The following KMT2C variants were observed in gnomAD, a reference collection of about 807,000 sequenced individuals.
KMT2C encodes histone-lysine N-methyltransferase 2C.
A neutral mutation model predicts 507.9 loss-of-function variants in KMT2C; 88 were observed. That is an observed-to-expected ratio of 0.17 (90% confidence interval 0.15 to 0.21). The LOEUF is 0.21. Ranked by LOEUF, KMT2C falls within the 10% of genes least tolerant of loss-of-function variation. KMT2C has a pLI of 1.00. For synonymous variants in KMT2C, 2,049 were observed against 2,080.8 expected (o/e 0.98, Z 0.42); for missense variants, 4,954 against 5,957.8 (o/e 0.83, Z 5.55).
chr7:152,376,702 G>A (rs535119840), intron 1 of KMT2C, among the ~76,000 whole-genome samples: 57 of 152,324 alleles, frequency 3.7e-4, no homozygotes, highest in African/African-American at 1.2e-3. Context: ...AAATGCTCTC[G>A]TCATAACATA....
In KMT2C at chr7:152,196,020, AGTAAATATG is replaced by A; in HGVS notation, c.4274-18_4274-10del. ...TGGGTCATCAGCAGGACCTAAATATAGTAAATATGTTTTTTAAAATTTCAGTATTTTCTC... is the reference window on the plus strand; with the variant it reads ...TGGGTCATCAGCAGGACCTAAATATATTTTTTAAAATTTCAGTATTTTCTC... On this transcript the variant is annotated splice_polypyrimidine_tract_variant and intron_variant, in intron 27 of 58. Transcript: ENST00000262189. 1 of 1,506,894 alleles carries A rather than the reference AGTAAATATG, an allele frequency of 6.6e-7. No homozygotes were observed. The highest frequency in any genetic ancestry group is 9.1e-7 in the Non-Finnish European group (1 of 1,099,590). 93.3% of individuals were successfully genotyped at this position (1,506,894 alleles called of 1,614,324 possible).
At chr7:152,169,676 T>C (rs1272437489) in intron 40 of KMT2C, among the ~76,000 whole-genome samples, 1 of 152,144 alleles carries the variant, frequency 6.6e-6, no homozygotes, top group Non-Finnish European at 1.5e-5. Context: ...TAACAAAAAC[T>C]AATGTCTCTA....
At chr7:152,319,326 C>T (rs1005774335) in intron 3 of KMT2C, among the ~76,000 whole-genome samples, 7 of 151,976 alleles carry the variant, frequency 4.6e-5, no homozygotes, top group Admixed American at 2.0e-4. Context: ...TATAATAATC[C>T]TCACTCTACA....
At chr7:152,256,589 T>A (rs2095665854) in intron 9 of KMT2C, among the ~76,000 whole-genome samples, 1 of 151,754 alleles carries the variant, frequency 6.6e-6, no homozygotes, top group Non-Finnish European at 1.5e-5. Context: ...CAAGAACAAA[T>A]AAGCTGGCAG....
chr7:152,228,019 G>A (rs2094987544), intron 18 of KMT2C, among the ~76,000 whole-genome samples: 1 of 152,184 alleles, frequency 6.6e-6, no homozygotes, highest in Non-Finnish European at 1.5e-5. Context: ...AGTCTGTAAA[G>A]TTAAAACAAG....
At chr7:152,423,030 AG>A (rs1305293753) in intron 1 of KMT2C, among the ~76,000 whole-genome samples, 4 of 151,280 alleles carry the variant, frequency 2.6e-5, no homozygotes, top group Non-Finnish European at 4.4e-5. Context: ...AAAAAAAAAA[AG>A]AAAAAAAGAA....
chr7:152,193,948 T>C, intron 31 of KMT2C, 61 bp downstream of exon 31: 3 of 1,409,728 alleles, frequency 2.1e-6, no homozygotes, highest in Non-Finnish European at 1.9e-6. Flanking sequence ...TGTGTGTATA[T>C]GTACCCACAT....
intron 31 of KMT2C, among the ~76,000 whole-genome samples, chr7:152,188,332 A>G (rs1299287247): frequency 1.3e-5 from 2 of 152,150 alleles, no homozygotes; most frequent in Admixed American, 1.3e-4. Context: ...TTTACCTGTT[A>G]GAAGCAGAAT....
intron 25 of KMT2C, among the ~76,000 whole-genome samples, chr7:152,203,608 A>C (rs1168082441): frequency 6.6e-6 from 1 of 152,178 alleles, no homozygotes; most frequent in Non-Finnish European, 1.5e-5. Context: ...TGAAATCAGA[A>C]ATGGAAATAA....
chr7:152,417,048 CAAAAA>C lies in KMT2C; in HGVS notation c.161+18573_161+18577del, dbSNP rs34690030. Among the ~76,000 whole-genome samples, 326 of 67,330 alleles carry C rather than the reference CAAAAA, an allele frequency of 4.8e-3. 4 individuals carry two copies. Among genetic ancestry groups the C allele is most frequent in the Middle Eastern group, 0.015 (2 of 130 alleles). The allele number at this position is 67,330 out of a possible 152,430, so 44.2% of individuals were successfully genotyped here. A position where few individuals can be genotyped will look rare whatever the true frequency, so the allele number is the denominator to read the frequency against. Reference sequence around the variant, plus strand: ...TGGGTGACACAGTGAGACATCATCTCAAAAAAAAAAAAAAAAAAAAGAGTTTATAT... The same window carrying C: ...TGGGTGACACAGTGAGACATCATCTCAAAAAAAAAAAAAAAGAGTTTATAT... On this transcript the variant is annotated intron_variant, in intron 1 of 58. Transcript: ENST00000262189.
intron 31 of KMT2C, among the ~76,000 whole-genome samples, chr7:152,188,962 A>G (rs939037369): frequency 5.9e-5 from 9 of 152,218 alleles, no homozygotes; most frequent in African/African-American, 2.2e-4. Flanking sequence ...AGTAAGCAAT[A>G]TATCTATCAC....
At chr7:152,204,673 G>A (rs185964368) in intron 25 of KMT2C, among the ~76,000 whole-genome samples, 1 of 152,112 alleles carries the variant, frequency 6.6e-6, no homozygotes, top group East Asian at 1.9e-4. Flanking sequence ...AAACTGAGGT[G>A]CACTGTCACT....
At position 152,220,605 on chromosome 7, in the gene KMT2C, A is replaced by G. The variant is rs1223700208; in HGVS notation, c.3630T>C (p.Asn1210=). The stretch of plus-strand genomic sequence containing the variant: ...TCTGAAGGACGGCCACGCTATTCTG[A>G]TTTATAATCTTCAATTTCAATTTTG... ...SKPKLKLKII[N]QNSVAVLQTP... is the part of the protein sequence containing the mutation. Residue 1210 remains asparagine (N), a synonymous_variant, in exon 23 of 59, where the codon AAT becomes AAC. Coordinates refer to ENST00000262189, the MANE Select transcript of KMT2C (RefSeq NM_170606.3). 6.2e-7 allele frequency: 1 copy of G among 1,611,858 alleles called. No homozygotes were observed. Among genetic ancestry groups the G allele is most frequent in the South Asian group, 1.1e-5 (1 of 90,980 alleles).
At chr7:152,315,012 A>C (rs2096710038) in intron 4 of KMT2C, 126 bp downstream of exon 4, 1 of 744,204 alleles carries the variant, frequency 1.3e-6, no homozygotes, top group Non-Finnish European at 2.2e-6. Context: ...AGTATCCCAT[A>C]AATGTGGAGA....
At chr7:152,395,326 G>A (rs1201962903) in intron 1 of KMT2C, among the ~76,000 whole-genome samples, 1 of 151,682 alleles carries the variant, frequency 6.6e-6, no homozygotes, top group African/African-American at 2.4e-5. Context: ...TGGGACTACA[G>A]GCACGTGGCC....
intron 1 of KMT2C, among the ~76,000 whole-genome samples, chr7:152,425,843 C>T (rs2097811307): frequency 6.6e-6 from 1 of 151,796 alleles, no homozygotes; most frequent in African/African-American, 2.4e-5. Context: ...AAATCGATTA[C>T]AATAAGGTGT....
At position 152,288,075 on chromosome 7, in the gene KMT2C, G is replaced by A. The variant is rs191563309; in HGVS notation, c.850-14208C>T. ...TTACAAACATACTTTTGAAACAAAG[G>A]AAACAATACAAAGTTTTGCAAAGAA... On this transcript the variant is annotated intron_variant, in intron 6 of 58. Transcript: ENST00000262189. 2.1e-4 allele frequency among the ~76,000 whole-genome samples: 29 copies of A among 138,510 alleles called. 2 individuals carry two copies. Among genetic ancestry groups the A allele is most frequent in the African/African-American group, 7.0e-4 (26 of 36,958 alleles). 90.9% of individuals were successfully genotyped at this position (138,510 alleles called of 152,430 possible). A position where few individuals can be genotyped will look rare whatever the true frequency, so the allele number is the denominator to read the frequency against.
chr7:152,262,674 T>A (rs2129172268), intron 9 of KMT2C, among the ~76,000 whole-genome samples: 1 of 152,324 alleles, frequency 6.6e-6, no homozygotes, highest in South Asian at 2.1e-4. Flanking sequence ...TACACTGAGT[T>A]AAAGAAGCCA....
intron 3 of KMT2C, among the ~76,000 whole-genome samples, chr7:152,329,469 C>CTAAG (rs2096859874): frequency 6.6e-6 from 1 of 151,788 alleles, no homozygotes; most frequent in African/African-American, 2.4e-5. Flanking sequence ...ACCTGGGAGG[C>CTAAG]TAAGGTGGGA....
Sources: gnomAD v4.1 joint callset for allele counts (sites outside exome capture counted in the v4.1 genomes callset) on GRCh38, gnomAD v4.1.1 for gene constraint, MANE v1.5 for transcripts, NCBI Gene and HGNC (gene_info 2026-07-23, HGNC 2026-07-21) for gene names.